Variants in OPRD1 observed in about 807,000 individuals in gnomAD.
The protein encoded by OPRD1 is delta-type opioid receptor.
OPRD1 carries 19 observed loss-of-function variants against 17.5 expected under a neutral mutation model. That is an observed-to-expected ratio of 1.09 (90% CI 0.76 to 1.60). OPRD1 has a LOEUF of 1.60. Ranked by LOEUF, OPRD1 falls within the 40% of genes most tolerant of loss-of-function variation. OPRD1 has a pLI of 0.00. For synonymous variants in OPRD1, 256 were observed against 240.9 expected, an observed-to-expected ratio of 1.06 and a Z score of -0.58; for missense variants, 483 against 547.2, an observed-to-expected ratio of 0.88 and a Z score of 1.17.
chr1:28,834,596 T>G (rs2088834561), intron 1 of OPRD1, among the ~76,000 whole-genome samples: 1 of 151,702 alleles, frequency 6.6e-6, no homozygotes, highest in Admixed American at 6.6e-5. Context: ...CCCAGGCTGG[T>G]CTCGAACTCT....
intron 1 of OPRD1, among the ~76,000 whole-genome samples, chr1:28,833,399 T>A (rs548229971): frequency 2.5e-4 from 38 of 152,112 alleles, no homozygotes; most frequent in African/African-American, 8.4e-4. Flanking sequence ...TTTCAGGGAG[T>A]TGGCTTATAC....
At chr1:28,829,829 C>T (rs2088796912) in intron 1 of OPRD1, among the ~76,000 whole-genome samples, 1 of 152,178 alleles carries the variant, frequency 6.6e-6, no homozygotes, top group Non-Finnish European at 1.5e-5. Context: ...CTTTCCTCAG[C>T]CTCCGAAGTA....
intron 1 of OPRD1, among the ~76,000 whole-genome samples, chr1:28,818,121 C>A (rs543836322): frequency 6.6e-6 from 1 of 152,222 alleles, no homozygotes. Flanking sequence ...GCATGCCCTG[C>A]GCTGTGGTTT....
rs184784585 is a variant in OPRD1, at chr1:28,843,579, A to G, written c.228-15375A>G. On this transcript the variant is annotated intron_variant, in intron 1 of 2. Transcript: ENST00000234961. ...AATTTTATTTAGCACGATATCCTCA[A>G]GGTTCATCCTTGTTGTAGCAGGTGT... Among the ~76,000 whole-genome samples the G allele has an allele frequency of 1.9e-3, 284 of 152,242 alleles. 5 individuals are homozygous for G. The highest frequency in any genetic ancestry group is 0.015 in the Admixed American group (231 of 15,276).
intron 1 of OPRD1, among the ~76,000 whole-genome samples, chr1:28,858,259 G>C (rs1382567405): frequency 1.3e-5 from 2 of 148,300 alleles, no homozygotes; most frequent in South Asian, 4.3e-4. Flanking sequence ...GACTACAGGC[G>C]CCCACCATCA....
At chr1:28,853,620 CT>C (rs1373019560) in intron 1 of OPRD1, among the ~76,000 whole-genome samples, 2 of 152,146 alleles carry the variant, frequency 1.3e-5, no homozygotes, top group Non-Finnish European at 2.9e-5. Context: ...GTGATTGCCC[CT>C]GGGGAACAGG....
At position 28,864,245 on chromosome 1, in the gene OPRD1, G is replaced by C. The variant is rs2089153364; in HGVS notation, c.*962G>C. The C allele has an allele frequency of 6.6e-6, 1 of 152,508 alleles. No homozygotes were observed. The allele number at this position is 152,508 out of a possible 1,614,324, so 9.4% of individuals were successfully genotyped here. ...CCACTGCACTCCAGCCTGGGGGACAGAGTAAGACTCTGTCTCTCAAAAAGG... is the reference window on the plus strand; with the variant it reads ...CCACTGCACTCCAGCCTGGGGGACACAGTAAGACTCTGTCTCTCAAAAAGG... On this transcript the variant is annotated 3_prime_UTR_variant, in exon 3 of 3. Coordinates refer to ENST00000234961, the MANE Select transcript of OPRD1 (RefSeq NM_000911.4).
At chr1:28,831,241 G>A (rs544048666) in intron 1 of OPRD1, among the ~76,000 whole-genome samples, 1 of 152,338 alleles carries the variant, frequency 6.6e-6, no homozygotes, top group South Asian at 2.1e-4. Flanking sequence ...GCCTGGTGTG[G>A]TGGCTCACAC....
intron 1 of OPRD1, among the ~76,000 whole-genome samples, chr1:28,836,935 G>C (rs899839394): frequency 2.6e-5 from 4 of 152,122 alleles, no homozygotes; most frequent in Non-Finnish European, 4.4e-5. Flanking sequence ...GGGCAGGGTG[G>C]GGGAACGGGG....
At chr1:28,849,875 C>CTTTTTT (rs34907861) in intron 1 of OPRD1, among the ~76,000 whole-genome samples, 2 of 118,116 alleles carry the variant, frequency 1.7e-5, no homozygotes, top group Non-Finnish European at 3.5e-5. Flanking sequence ...GAGAGTCAAA[C>CTTTTTT]TTTTTTTTTT....
chr1:28,812,739 C>A, intron 1 of OPRD1, 129 bp downstream of exon 1: 1 of 826,668 alleles, frequency 1.2e-6, no homozygotes, highest in Non-Finnish European at 1.7e-6. Flanking sequence ...GCACCTGGGG[C>A]CCAGCGAGAG....
At chr1:28,819,393 T>C (rs576835841) in intron 1 of OPRD1, among the ~76,000 whole-genome samples, 54 of 152,310 alleles carry the variant, frequency 3.5e-4, no homozygotes, top group African/African-American at 1.3e-3. Context: ...GCTGCATCTC[T>C]TGGTCTTGCC....
At chr1:28,860,436 G>A (rs1306869904) in intron 2 of OPRD1, among the ~76,000 whole-genome samples, 2 of 151,988 alleles carry the variant, frequency 1.3e-5, no homozygotes, top group Non-Finnish European at 2.9e-5. Flanking sequence ...TTAATGCAAG[G>A]AAGTGAGAAA....
intron 1 of OPRD1, among the ~76,000 whole-genome samples, chr1:28,828,234 A>G (rs2088781662): frequency 6.6e-6 from 1 of 152,308 alleles, no homozygotes; most frequent in South Asian, 2.1e-4. Context: ...AAGCATGAAA[A>G]CAACTTAATC....
At chr1:28,813,737 C>T (rs2088650654) in intron 1 of OPRD1, among the ~76,000 whole-genome samples, 1 of 152,050 alleles carries the variant, frequency 6.6e-6, no homozygotes, top group Non-Finnish European at 1.5e-5. Flanking sequence ...AGGACATGGC[C>T]CTAAACCTCT....
At chr1:28,828,473 G>A (rs2088784096) in intron 1 of OPRD1, among the ~76,000 whole-genome samples, 1 of 152,026 alleles carries the variant, frequency 6.6e-6, no homozygotes, top group African/African-American at 2.4e-5. Flanking sequence ...AGGATTTTTG[G>A]AATGGTAAAT....
In OPRD1 at chr1:28,862,915, GAGA is replaced by G. The variant is rs776674925; in HGVS notation, c.754_756del (p.Lys252del). 6 of 1,612,728 alleles carry G rather than the reference GAGA, an allele frequency of 3.7e-6. No homozygotes were observed. The highest frequency in any genetic ancestry group is 5.1e-6 in the Non-Finnish European group (6 of 1,179,980). ...TGTGCGCCTGCTGTCGGGCTCCAAG[GAGA>G]AGGACCGCAGCCTGCGGCGCATCAC... On this transcript the variant is annotated inframe_deletion, in exon 3 of 3. Transcript: ENST00000234961.
chr1:28,863,379 T>C lies in OPRD1; in HGVS notation c.*96T>C. 1 of 1,321,796 alleles carries C rather than the reference T, an allele frequency of 7.6e-7. No individual in the cohort carries two copies. The highest frequency in any genetic ancestry group is 9.8e-7 in the Non-Finnish European group (1 of 1,021,918). The allele number at this position is 1,321,796 out of a possible 1,614,324, so 81.9% of individuals were successfully genotyped here. ...CGAGCCATGATGTGGAGTGGGGCAG[T>C]AGAAGGTCGGAGGCTTGGGACCGCC... On this transcript the variant is annotated 3_prime_UTR_variant, in exon 3 of 3. Transcript: ENST00000234961.
chr1:28,856,039 T>C (rs1472854232), intron 1 of OPRD1, among the ~76,000 whole-genome samples: 1 of 152,182 alleles, frequency 6.6e-6, no homozygotes, highest in Non-Finnish European at 1.5e-5. Flanking sequence ...TCAAAAACAC[T>C]GAGTGCCTCG....
Sources: allele counts gnomAD v4.1 joint callset (sites outside exome capture counted in the v4.1 genomes callset), GRCh38; gene constraint gnomAD v4.1.1; transcripts MANE v1.5; gene names NCBI Gene and HGNC (gene_info 2026-07-23, HGNC 2026-07-21).